The following CCDC92 variants were observed in gnomAD, a reference collection of about 807,000 sequenced individuals.
CCDC92 encodes coiled-coil domain-containing protein 92.
Under a neutral mutation model 24.9 loss-of-function variants are expected in CCDC92, and 12 were observed. The ratio of observed to expected loss-of-function variants is 0.48; its 90% CI spans 0.31 to 0.78. CCDC92 has a LOEUF of 0.78. Ranked by LOEUF, CCDC92 falls within the 30% of genes least tolerant of loss-of-function variation. CCDC92 has a pLI of 0.05. For missense variants in CCDC92, 399 were observed against 439.4 expected, an observed-to-expected ratio of 0.91 and a Z score of 0.82; for synonymous variants, 193 against 196.3, an observed-to-expected ratio of 0.98 and a Z score of 0.14.
At chr12:123,942,251 C>A (rs1230777628) in intron 4 of CCDC92, among the ~76,000 whole-genome samples, 1 of 152,142 alleles carries the variant, frequency 6.6e-6, no homozygotes, top group Non-Finnish European at 1.5e-5. Flanking sequence ...GGGCTGTAGT[C>A]CAGAGAAAGC....
chr12:123,959,361 C>CT (rs1956222414), intron 1 of CCDC92, among the ~76,000 whole-genome samples: 1 of 152,022 alleles, frequency 6.6e-6, no homozygotes, highest in Non-Finnish European at 1.5e-5. Flanking sequence ...GTTGACCAGG[C>CT]TGGAGTGCAG....
At position 123,937,526 on chromosome 12, in the gene CCDC92, T is replaced by C; in HGVS notation, c.528A>G (p.Ser176=). The change falls in exon 5 of 5, where the codon TCA becomes TCG. Residue 176 remains serine (S), a synonymous_variant. Coordinates refer to ENST00000238156, the MANE Select transcript of CCDC92 (RefSeq NM_025140.3). This position sits in a 1 kb window ranked among gnomAD's most constrained non-coding sequence, Gnocchi z 8.4. The part of the protein sequence containing the change: ...KKKLMSSSGT[S]DASPSGSPVL... ...CGGGGCTCCCTGACGGGCTGGCATC[T>C]GAGGTCCCGCTGGAGCTCATGAGCT... is the stretch of plus-strand genomic sequence containing the variant. 1.9e-6 allele frequency: 3 copies of C among 1,612,376 alleles called. No homozygotes were observed. Among genetic ancestry groups the C allele is most frequent in the Middle Eastern group, 1.7e-4 (1 of 6,060 alleles).
chr12:123,964,903 A>G (rs1042614134), intron 1 of CCDC92, among the ~76,000 whole-genome samples: 4 of 152,212 alleles, frequency 2.6e-5, no homozygotes, highest in Admixed American at 6.5e-5. Flanking sequence ...TTTGTTTTCT[A>G]AAGTTCCTAA....
At chr12:123,948,996 T>G (rs907921379) in intron 1 of CCDC92, among the ~76,000 whole-genome samples, 21 of 152,014 alleles carry the variant, frequency 1.4e-4, no homozygotes, top group African/African-American at 4.8e-4. Context: ...AGCCGGGAGA[T>G]GCACATAATT....
intron 1 of CCDC92, chr12:123,960,702 C>T (rs999486468): frequency 5.3e-5 from 8 of 152,176 alleles, no homozygotes; most frequent in East Asian, 1.9e-4. Context: ...GTGAGAAAAA[C>T]GAGGACAATG....
At chr12:123,949,760 C>A (rs542254641) in intron 1 of CCDC92, among the ~76,000 whole-genome samples, 1 of 152,358 alleles carries the variant, frequency 6.6e-6, no homozygotes, top group Admixed American at 6.5e-5. Flanking sequence ...TAGAGATAGG[C>A]TCTGAAGACG....
Position 123,972,615 on chromosome 12 carries a change from A to ATGGGC in CCDC92, c.-151_-147dup, listed in dbSNP as rs1264398684. The ATGGGC allele has an allele frequency of 6.7e-6, 1 of 148,720 alleles. No homozygotes were observed. The highest frequency in any genetic ancestry group is 2.0e-4 in the South Asian group (1 of 4,896). The allele number at this position is 148,720 out of a possible 1,614,324, so 9.2% of individuals were successfully genotyped here. A position where few individuals can be genotyped will look rare whatever the true frequency, so the allele number is the denominator to read the frequency against. On this transcript the variant is annotated 5_prime_UTR_variant, in exon 1 of 5. It adds an upstream start codon to the 5' untranslated region. Transcript: ENST00000238156. ...GGGCGGCGGTGGGGGCCCGTGGCCC[A>ATGGGC]TGGGCTGGGCGGGGCGCGGCGGGCG...
intron 1 of CCDC92, among the ~76,000 whole-genome samples, chr12:123,970,704 T>C (rs1956506547): frequency 6.6e-6 from 1 of 152,248 alleles, no homozygotes; most frequent in African/African-American, 2.4e-5. Context: ...ATATAATTAA[T>C]CTTAGTTACC....
Position 123,937,216 on chromosome 12 carries a change from C to A in CCDC92, c.838G>T (p.Ala280Ser). The A allele has an allele frequency of 3.7e-6, 6 of 1,609,260 alleles. No homozygotes were observed. The highest frequency in any genetic ancestry group is 5.1e-6 in the Non-Finnish European group (6 of 1,179,128). ...TGGGCCTTGTGCGGCTTTTCGCGGG[C>A]CGGGCTGTGCTGCTCGCCGCTTCGG... Reference protein sequence around the residue: ...SDRSGEQHSPAREKPHKAHVG... With the variant: ...SDRSGEQHSPSREKPHKAHVG... The change falls in exon 5 of 5, where the codon GCC becomes TCC. Residue 280 changes from alanine (A) to serine (S), a missense_variant. Ala to Ser is a moderately conservative substitution (Grantham distance 99). Coordinates refer to ENST00000238156, the MANE Select transcript of CCDC92 (RefSeq NM_025140.3). This position sits in a 1 kb window ranked among gnomAD's most constrained non-coding sequence, Gnocchi z 8.4.
At chr12:123,971,239 C>T (rs965975795) in intron 1 of CCDC92, among the ~76,000 whole-genome samples, 2 of 152,014 alleles carry the variant, frequency 1.3e-5, no homozygotes, top group African/African-American at 2.4e-5. Context: ...TGTACGCATA[C>T]CCGTATATAT....
Position 123,964,842 on chromosome 12 carries a change from T to C in CCDC92, c.-60+7687A>G, listed in dbSNP as rs145135251. On this transcript the variant is annotated intron_variant, in intron 1 of 4. Transcript: ENST00000238156. ...ATTAGCTGAATAATGTTTCAAGATA[T>C]CACATTTCTGCCAATTTTAAATAAC... Among the ~76,000 whole-genome samples the C allele has an allele frequency of 1.8e-4, 27 of 152,348 alleles. No homozygotes were observed. The East Asian group carries it at 5.2e-3, about 29-fold the overall frequency.
chr12:123,959,377 C>A (rs1340169173), intron 1 of CCDC92, among the ~76,000 whole-genome samples: 1 of 151,906 alleles, frequency 6.6e-6, no homozygotes, highest in Admixed American at 6.6e-5. Flanking sequence ...TGCAGTGGTG[C>A]AATCGCAACC....
intron 1 of CCDC92, among the ~76,000 whole-genome samples, chr12:123,963,255 G>A (rs534504918): frequency 5.9e-5 from 9 of 152,348 alleles, no homozygotes; most frequent in Non-Finnish European, 1.3e-4. Context: ...CTTTGGACTT[G>A]AGGTTTATCC....
rs562673779 is a variant in CCDC92, at chr12:123,958,457, C to T, written c.-60+14072G>A. On this transcript the variant is annotated intron_variant, in intron 1 of 4. Coordinates refer to ENST00000238156, the MANE Select transcript of CCDC92 (RefSeq NM_025140.3). The stretch of plus-strand genomic sequence containing the variant: ...GCCAAATGCAGATTCTTTCCAAAGG[C>T]TGCCACCTCCTCTGCCTCGTGCCTT... Among the ~76,000 whole-genome samples, 8 of 152,372 alleles carry T rather than the reference C, an allele frequency of 5.3e-5. No homozygotes were observed. The East Asian group carries it at 1.5e-3, about 29-fold the overall frequency.
intron 1 of CCDC92, among the ~76,000 whole-genome samples, chr12:123,949,935 C>T (rs1362611655): frequency 6.6e-6 from 1 of 152,206 alleles, no homozygotes. Context: ...AAGTGCTATC[C>T]CTTCCTCTCA....
intron 1 of CCDC92, among the ~76,000 whole-genome samples, chr12:123,954,008 G>A (rs34261269): frequency 0.022 from 3,335 of 152,170 alleles, 52 homozygotes; most frequent in Middle Eastern, 0.048. Flanking sequence ...TGGTGGACTC[G>A]GTGATTTTTA....
At chr12:123,958,803 GTATT>G (rs1956209185) in intron 1 of CCDC92, among the ~76,000 whole-genome samples, 1 of 152,302 alleles carries the variant, frequency 6.6e-6, no homozygotes, top group East Asian at 1.9e-4. Flanking sequence ...CATAAACTTG[GTATT>G]TTTTTGGTGC....
intron 1 of CCDC92, chr12:123,962,459 T>C (rs1052828162): frequency 2.0e-5 from 3 of 152,274 alleles, no homozygotes; most frequent in African/African-American, 4.8e-5. Flanking sequence ...TCATGTGATA[T>C]CTTTTTTGAA....
intron 1 of CCDC92, among the ~76,000 whole-genome samples, chr12:123,957,456 G>A (rs1956173338): frequency 6.6e-6 from 1 of 152,160 alleles, no homozygotes. Context: ...CCTTTCAGTT[G>A]GTTCTGCCTG....
Sources: allele counts gnomAD v4.1 joint callset (sites outside exome capture counted in the v4.1 genomes callset), GRCh38; gene constraint gnomAD v4.1.1; non-coding constraint Gnocchi (gnomAD v3.1); transcripts MANE v1.5; gene names NCBI Gene and HGNC (gene_info 2026-07-23, HGNC 2026-07-21).